ATE1: variants seen among roughly 807,000 people sequenced by gnomAD.
ATE1 encodes arginyl-tRNA--protein transferase 1.
In ATE1, 36 loss-of-function variants were observed where a neutral mutation model predicts 70.5. The ratio of observed to expected loss-of-function variants is 0.51; its 90% CI spans 0.39 to 0.67. The LOEUF is 0.67. ATE1 is among the 30% of genes least tolerant of loss of function. The pLI is 0.00. For synonymous variants in ATE1, 232 were observed against 219.3 expected (o/e 1.06, Z -0.51); for missense variants, 593 against 629.5 (o/e 0.94, Z 0.62).
chr10:121,760,880 C>T (rs931630385), intron 11 of ATE1, among the ~76,000 whole-genome samples: 2 of 152,180 alleles, frequency 1.3e-5, no homozygotes, highest in Non-Finnish European at 2.9e-5. Flanking sequence ...GCCACAGCCA[C>T]CCTGCTATAA....
At chr10:121,916,713 T>C (rs549116267) in intron 3 of ATE1, among the ~76,000 whole-genome samples, 6 of 152,134 alleles carry the variant, frequency 3.9e-5, no homozygotes, top group African/African-American at 1.4e-4. Context: ...CACATGCCTG[T>C]AGTCCCAGCT....
At chr10:121,879,724 G>A (rs1450522433) in intron 7 of ATE1, among the ~76,000 whole-genome samples, 2 of 152,156 alleles carry the variant, frequency 1.3e-5, no homozygotes, top group Non-Finnish European at 2.9e-5. Flanking sequence ...TCAGGTCACG[G>A]TGAGATTCCA....
chr10:121,859,101 A>G (rs1301055341), intron 8 of ATE1, among the ~76,000 whole-genome samples: 4 of 152,164 alleles, frequency 2.6e-5, no homozygotes, highest in East Asian at 1.9e-4. Context: ...GTCTCCAAAA[A>G]AAAGAAAGAA....
At chr10:121,913,967 T>C (rs1951543890) in intron 3 of ATE1, 74 bp from the exon 4 acceptor site, 1 of 1,128,410 alleles carries the variant, frequency 8.9e-7, no homozygotes. Context: ...GGATATCACC[T>C]AGTACAATGA....
At chr10:121,810,316 G>A (rs1165260052) in intron 10 of ATE1, among the ~76,000 whole-genome samples, 1 of 152,090 alleles carries the variant, frequency 6.6e-6, no homozygotes, top group Non-Finnish European at 1.5e-5. Context: ...TGTCACCCAG[G>A]CTGGAGTGCA....
chr10:121,798,814 A>G (rs1406472347), intron 10 of ATE1, among the ~76,000 whole-genome samples: 2 of 151,658 alleles, frequency 1.3e-5, no homozygotes, highest in Non-Finnish European at 2.9e-5. Flanking sequence ...CAGGAGGATC[A>G]CCTGAACCCA....
intron 8 of ATE1, among the ~76,000 whole-genome samples, chr10:121,864,586 A>G (rs912478046): frequency 2.0e-5 from 3 of 152,206 alleles, no homozygotes; most frequent in African/African-American, 7.2e-5. Flanking sequence ...TAGACCATTT[A>G]TATTTAGTAC....
intron 5 of ATE1, 55 bp downstream of exon 5, chr10:121,910,851 G>T (rs1277711784): frequency 1.9e-5 from 31 of 1,610,046 alleles, no homozygotes; most frequent in Non-Finnish European, 2.6e-5. Flanking sequence ...GGTTTAAAAT[G>T]ACTCAGCAAA....
intron 8 of ATE1, among the ~76,000 whole-genome samples, chr10:121,856,059 T>C (rs1046094147): frequency 7.9e-6 from 1 of 126,058 alleles, no homozygotes; most frequent in Non-Finnish European, 1.6e-5. Context: ...CTGGGCAACA[T>C]GAGCAAAACT....
At chr10:121,836,868 G>A in intron 9 of ATE1, 51 bp from the exon 10 acceptor site, 1 of 1,118,238 alleles carries the variant, frequency 8.9e-7, no homozygotes, top group Non-Finnish European at 1.3e-6. Context: ...TGGTTCTAAT[G>A]TACAAATATC....
intron 10 of ATE1, among the ~76,000 whole-genome samples, chr10:121,829,022 G>A (rs746674764): frequency 5.9e-5 from 9 of 151,970 alleles, no homozygotes; most frequent in Admixed American, 2.0e-4. Flanking sequence ...GTCCTCCTAA[G>A]TTGTAACCTT....
chr10:121,915,963 A>G (rs1164327641), intron 3 of ATE1, among the ~76,000 whole-genome samples: 1 of 149,258 alleles, frequency 6.7e-6, no homozygotes, highest in African/African-American at 2.5e-5. Context: ...TCGGCCAGGC[A>G]CAGTGGCTCA....
At chr10:121,777,472 A>ACGCCTGTAATTCC (rs1945796160) in intron 11 of ATE1, among the ~76,000 whole-genome samples, 1 of 148,558 alleles carries the variant, frequency 6.7e-6, no homozygotes, top group African/African-American at 2.6e-5. Context: ...AAAAGGAATC[A>ACGCCTGTAATTCC]AGGACAGACC....
chr10:121,797,425 A>G (rs1946700852), intron 10 of ATE1, among the ~76,000 whole-genome samples: 1 of 152,066 alleles, frequency 6.6e-6, no homozygotes, highest in South Asian at 2.1e-4. Context: ...CATCACCACT[A>G]TCAGATTCCA....
At chr10:121,851,789 G>C (rs1342176404) in intron 8 of ATE1, among the ~76,000 whole-genome samples, 1 of 152,130 alleles carries the variant, frequency 6.6e-6, no homozygotes, top group Non-Finnish European at 1.5e-5. Flanking sequence ...TCAATTTCAA[G>C]GATTTAGCTG....
chr10:121,884,657 T>C (rs1950326278), intron 7 of ATE1, among the ~76,000 whole-genome samples: 1 of 152,136 alleles, frequency 6.6e-6, no homozygotes, highest in African/African-American at 2.4e-5. Flanking sequence ...GAAAGAAAGA[T>C]GAATGTTCCC....
intron 11 of ATE1, among the ~76,000 whole-genome samples, chr10:121,787,109 GA>G (rs1946248124): frequency 6.6e-6 from 1 of 152,146 alleles, no homozygotes; most frequent in Non-Finnish European, 1.5e-5. Context: ...AGGATAGGGG[GA>G]AAACGTGATT....
intron 8 of ATE1, among the ~76,000 whole-genome samples, chr10:121,867,167 C>T (rs977493447): frequency 6.6e-6 from 1 of 152,140 alleles, no homozygotes; most frequent in Non-Finnish European, 1.5e-5. Flanking sequence ...GACTCAGTGC[C>T]TACTATATTC....
intron 8 of ATE1, among the ~76,000 whole-genome samples, chr10:121,859,472 G>A (rs1419885400): frequency 1.3e-5 from 2 of 151,752 alleles, no homozygotes; most frequent in Admixed American, 6.6e-5. Flanking sequence ...TAGCCGGGAT[G>A]GTCTCAATCT....
Sources: gnomAD v4.1 joint callset for allele counts (sites outside exome capture counted in the v4.1 genomes callset) on GRCh38, gnomAD v4.1.1 for gene constraint, MANE v1.5 for transcripts, NCBI Gene and HGNC (gene_info 2026-07-23, HGNC 2026-07-21) for gene names.